FANCA: variants seen among roughly 807,000 people sequenced by gnomAD.
FANCA encodes FA complementation group A.
FANCA carries 236 observed loss-of-function variants against 194.3 expected under a neutral mutation model. The observed-to-expected ratio is 1.21, with a 90% CI of 1.09 to 1.35. The LOEUF is 1.35. Among genes scored for constraint, FANCA ranks in the 40% most tolerant of loss-of-function variants. The pLI is 0.00. For synonymous variants in FANCA, 1,014 were observed against 715.8 expected (o/e 1.42, Z -6.65); for missense variants, 2,628 against 1,813.9 (o/e 1.45, Z -8.15).
At chr16:89,812,507 G>A (rs1338318076) in intron 3 of FANCA, among the ~76,000 whole-genome samples, 4 of 150,344 alleles carry the variant, frequency 2.7e-5, no homozygotes, top group Admixed American at 6.6e-5. Context: ...TTAGCCAGGC[G>A]TGGTGGTGCA....
At position 89,771,548 on chromosome 16, in the gene FANCA, C is replaced by T. The variant is rs1039189343; in HGVS notation, c.2151+130G>A. ...GACCCTGGTACACCGCTGCCTGGCC[C>T]TGGAACATCTGATACGACACTAACT... On this transcript the variant is annotated intron_variant, in intron 23 of 42. Transcript: ENST00000389301. The T allele has an allele frequency of 2.9e-5, 31 of 1,075,030 alleles. No homozygotes were observed. In the Admixed American group the frequency reaches 5.6e-4, roughly 19 times the overall value. The allele number at this position is 1,075,030 out of a possible 1,614,324, so 66.6% of individuals were successfully genotyped here.
chr16:89,738,312 T>C lies in FANCA; in HGVS notation c.*289A>G. 1 of 1,524,998 alleles carries C rather than the reference T, an allele frequency of 6.6e-7. No homozygotes were observed. Among genetic ancestry groups the C allele is most frequent in the Non-Finnish European group, 8.8e-7 (1 of 1,137,220 alleles). 94.5% of individuals were successfully genotyped at this position (1,524,998 alleles called of 1,614,324 possible). On this transcript the variant is annotated 3_prime_UTR_variant, in exon 43 of 43. Coordinates refer to ENST00000389301, the MANE Select transcript of FANCA (RefSeq NM_000135.4). ...CGCAGTGGCTGTGTCAGCCTCACCC[T>C]TCGTGTGCACCCGCATGGGAGGGTC...
At chr16:89,815,813 G>A (rs2041090636) in intron 2 of FANCA, 64 bp downstream of exon 2, 6 of 1,247,394 alleles carry the variant, frequency 4.8e-6, no homozygotes, top group Non-Finnish European at 7.1e-6. Context: ...AAAGCTGTGC[G>A]GTGGCTGGAC....
At position 89,738,558 on chromosome 16, in the gene FANCA, T is replaced by G. The variant is rs368670194; in HGVS notation, c.*43A>C. ...AGCTCCATGTTATGCTTGTAATAAA[T>G]TATTTACACGGGAGCTGGGCTGGTG... On this transcript the variant is annotated 3_prime_UTR_variant, in exon 43 of 43. Transcript: ENST00000389301. 6.2e-7 allele frequency: 1 copy of G among 1,612,308 alleles called. No individual in the cohort carries two copies. The highest frequency in any genetic ancestry group is 1.1e-5 in the South Asian group (1 of 91,014).
Position 89,808,383 on chromosome 16 carries a change from A to G in FANCA, c.523-16T>C. ...ACAAAGAACTCTGAAAAACAAAACA[A>G]AACAAACAAAAACAAAAACAAAAAA... On this transcript the variant is annotated splice_polypyrimidine_tract_variant and intron_variant, in intron 5 of 42. Transcript: ENST00000389301. 1 of 1,613,410 alleles carries G rather than the reference A, an allele frequency of 6.2e-7. No individual in the cohort carries two copies. The highest frequency in any genetic ancestry group is 8.5e-7 in the Non-Finnish European group (1 of 1,179,552).
intron 10 of FANCA, 117 bp downstream of exon 10, chr16:89,799,049 G>A (rs775787377): frequency 2.7e-5 from 43 of 1,614,136 alleles, no homozygotes; most frequent in Middle Eastern, 1.6e-4. Context: ...ACTGGCAGAG[G>A]AAGTGTGCTC....
Position 89,791,549 on chromosome 16 carries a change from C to T in FANCA, c.1226-13G>A, listed in dbSNP as rs377159744. ...CGCGCCACCCAGTCTAGTTAAGAAC[C>T]ATGACATAGTCACAGCAAGGCAAGG... On this transcript the variant is annotated splice_polypyrimidine_tract_variant and intron_variant, in intron 13 of 42. Coordinates refer to ENST00000389301, the MANE Select transcript of FANCA (RefSeq NM_000135.4). 1 of 1,613,936 alleles carries T rather than the reference C, an allele frequency of 6.2e-7. No individual in the cohort carries two copies. Among genetic ancestry groups the T allele is most frequent in the Non-Finnish European group, 8.5e-7 (1 of 1,180,008 alleles).
At chr16:89,812,317 G>A (rs971060153) in intron 3 of FANCA, among the ~76,000 whole-genome samples, 7 of 150,190 alleles carry the variant, frequency 4.7e-5, no homozygotes, top group South Asian at 2.1e-4. Flanking sequence ...CAGTCTGGGC[G>A]ACAGAGCCAG....
chr16:89,813,778 G>GA (rs1275279097), intron 3 of FANCA, among the ~76,000 whole-genome samples: 2 of 148,430 alleles, frequency 1.3e-5, no homozygotes, highest in African/African-American at 5.2e-5. Flanking sequence ...GTCTCCATAG[G>GA]AAAGTTTTTT....
At chr16:89,770,139 G>T (rs749786005) in intron 25 of FANCA, 27 bp downstream of exon 25, 2 of 1,574,296 alleles carry the variant, frequency 1.3e-6, no homozygotes, top group African/African-American at 2.7e-5. Context: ...GGCCCCCAAG[G>T]GTGGCCCCCA....
intron 29 of FANCA, among the ~76,000 whole-genome samples, chr16:89,761,556 T>TATCCTCAA (rs2038955289): frequency 1.3e-5 from 2 of 151,448 alleles, no homozygotes; most frequent in Non-Finnish European, 2.9e-5. Flanking sequence ...AACCAAACAT[T>TATCCTCAA]AAATTGAGGA....
intron 36 of FANCA, chr16:89,744,665 G>GTTTTTTT (rs56850260): frequency 1.9e-5 from 7 of 369,596 alleles, no homozygotes; most frequent in Non-Finnish European, 3.0e-5. Context: ...GGCAGAGGCT[G>GTTTTTTT]TTTTTTTTTT....
chr16:89,758,012 C>T (rs906724108), intron 30 of FANCA, among the ~76,000 whole-genome samples: 1 of 152,142 alleles, frequency 6.6e-6, no homozygotes, highest in South Asian at 2.1e-4. Context: ...CCCGCCACCA[C>T]ACTCAGCTAA....
At position 89,778,932 on chromosome 16, in the gene FANCA, C is replaced by T. The variant is rs377308050; in HGVS notation, c.1776+11G>A. On this transcript the variant is annotated intron_variant, in intron 19 of 42. Coordinates refer to ENST00000389301, the MANE Select transcript of FANCA (RefSeq NM_000135.4). ...ACAACTGGTCACAAACTCATGGAGA[C>T]GCATACTGACCACTCGAGGTGTGAG... is the stretch of plus-strand genomic sequence containing the variant. 4.1e-5 allele frequency: 66 copies of T among 1,614,094 alleles called. No individual in the cohort carries two copies. The Middle Eastern group carries it at 9.9e-4, about 24-fold the overall frequency.
At chr16:89,793,824 C>T (rs539651220) in intron 11 of FANCA, among the ~76,000 whole-genome samples, 2 of 152,316 alleles carry the variant, frequency 1.3e-5, no homozygotes, top group East Asian at 3.9e-4. Context: ...AATCTCGGCT[C>T]ACTGCAAGCT....
chr16:89,797,757 T>C (rs2040297521), intron 10 of FANCA, among the ~76,000 whole-genome samples: 1 of 152,018 alleles, frequency 6.6e-6, no homozygotes, highest in Non-Finnish European at 1.5e-5. Context: ...GTGCCAGGTG[T>C]GGTGGTGCAT....
intron 20 of FANCA, among the ~76,000 whole-genome samples, chr16:89,776,039 G>A (rs2039489959): frequency 6.6e-6 from 1 of 151,288 alleles, no homozygotes; most frequent in Non-Finnish European, 1.5e-5. Context: ...TAATATCTAA[G>A]GAGCTAGACC....
Position 89,809,040 on chromosome 16 carries a change from G to C in FANCA, c.523-673C>G, listed in dbSNP as rs180850339. On this transcript the variant is annotated intron_variant, in intron 5 of 42. Coordinates refer to ENST00000389301, the MANE Select transcript of FANCA (RefSeq NM_000135.4). ...CCTGCCTCAGCCTCCTGAGTAGCTG[G>C]GACTACAGGTGCCTGCCACCACACC... Among the ~76,000 whole-genome samples the C allele has an allele frequency of 7.7e-3, 1,176 of 151,990 alleles. 10 individuals are homozygous for C. The highest frequency in any genetic ancestry group is 0.013 in the Non-Finnish European group (886 of 67,956).
rs935069258 is a variant in FANCA at position 89,769,993 on chromosome 16, C to A, written c.2348G>T (p.Gly783Val). 1.9e-6 allele frequency: 3 copies of A among 1,613,748 alleles called. No individual in the cohort carries two copies. Among genetic ancestry groups the A allele is most frequent in the African/African-American group, 1.3e-5 (1 of 74,914 alleles). The change falls in exon 26 of 43, where the codon GGG becomes GTG. Residue 783 changes from glycine (G) to valine (V), a missense_variant. Physicochemically the swap from Gly to Val is moderately radical, Grantham distance 109. Coordinates refer to ENST00000389301, the MANE Select transcript of FANCA (RefSeq NM_000135.4). ...CAGGTGCACGGCCAGGGCAGCCAACCCCAGCACATGTGGGGCACTCAGGCT... is the reference window on the plus strand; with the variant it reads ...CAGGTGCACGGCCAGGGCAGCCAACACCAGCACATGTGGGGCACTCAGGCT... ...GPSLSAPHVLGLAALAVHLGE... is the reference protein window; with the variant it reads ...GPSLSAPHVLVLAALAVHLGE...
Sources: allele counts gnomAD v4.1 joint callset (sites outside exome capture counted in the v4.1 genomes callset), GRCh38; gene constraint gnomAD v4.1.1; transcripts MANE v1.5; gene names NCBI Gene and HGNC (gene_info 2026-07-23, HGNC 2026-07-21).